Variants in RTN4RL2 observed in about 807,000 individuals in gnomAD.
RTN4RL2 encodes reticulon 4 receptor like 2, also known as reticulon-4 receptor-like 2.
A neutral mutation model predicts 27.8 loss-of-function variants in RTN4RL2; 9 were observed. That is an observed-to-expected ratio of 0.32 (90% confidence interval 0.20 to 0.57). The LOEUF is 0.57. Ranked by LOEUF, RTN4RL2 falls within the 20% of genes least tolerant of loss-of-function variation. The pLI is 0.90. For synonymous variants in RTN4RL2, 285 were observed against 297.9 expected (o/e 0.96, Z 0.45); for missense variants, 436 against 596.8 (o/e 0.73, Z 2.81).
At position 57,465,570 on chromosome 11, in the gene RTN4RL2, G is replaced by A. The variant is rs189533385; in HGVS notation, c.32-2039G>A. On this transcript the variant is annotated intron_variant, in intron 1 of 2. Transcript: ENST00000335099. The stretch of plus-strand genomic sequence containing the variant: ...GGAATGACTGCCTGGCTTTGGGGGT[G>A]CAGGCTCCCTTTTTCCCCAGGCAAA... Among the ~76,000 whole-genome samples the A allele has an allele frequency of 7.6e-3, 1,152 of 152,328 alleles. 8 individuals carry two copies. The highest frequency in any genetic ancestry group is 0.031 in the Middle Eastern group (9 of 294).
chr11:57,460,778 CG>C lies in RTN4RL2; in HGVS notation c.-84del. 1.5e-6 allele frequency: 1 copy of C among 675,216 alleles called. No individual in the cohort carries two copies. The highest frequency in any genetic ancestry group is 2.3e-6 in the Non-Finnish European group (1 of 438,442). The allele number at this position is 675,216 out of a possible 1,614,324, so 41.8% of individuals were successfully genotyped here. A position where few individuals can be genotyped will look rare whatever the true frequency, so the allele number is the denominator to read the frequency against. On this transcript the variant is annotated 5_prime_UTR_variant, in exon 1 of 3. Transcript: ENST00000335099. ...ACTCCCGGGCCCTCCCGGAGCCCCG[CG>C]GGGTCCCCGCCGTGCATCCGGCGGG...
At chr11:57,468,438 CTCT>C (rs1389301269) in intron 2 of RTN4RL2, 1 of 863,798 alleles carries the variant, frequency 1.2e-6, no homozygotes, top group Non-Finnish European at 1.8e-6. Context: ...TGTCTTCTGC[CTCT>C]TCTGTCTGTC....
intron 2 of RTN4RL2, among the ~76,000 whole-genome samples, chr11:57,474,316 G>A (rs958751728): frequency 1.3e-5 from 2 of 152,190 alleles, no homozygotes; most frequent in African/African-American, 4.8e-5. Context: ...TAGCGAAGAG[G>A]GCGGAAGCCA....
intron 1 of RTN4RL2, among the ~76,000 whole-genome samples, chr11:57,463,752 G>T (rs1044007420): frequency 7.2e-5 from 11 of 152,162 alleles, no homozygotes; most frequent in Admixed American, 3.3e-4. Context: ...AGAACAGGGG[G>T]TGGGGAAGGG....
chr11:57,467,331 C>G lies in RTN4RL2; in HGVS notation c.32-278C>G, dbSNP rs939047917. Among the ~76,000 whole-genome samples the G allele has an allele frequency of 1.3e-5, 2 of 152,100 alleles. No homozygotes were observed. The highest frequency in any genetic ancestry group is 2.9e-5 in the Non-Finnish European group (2 of 68,038). ...GTTCAAGCGATCCTCCTGCCTCAGC[C>G]TCCCAAGTAGTTGGGACTACAGGCA... On this transcript the variant is annotated intron_variant, in intron 1 of 2. Transcript: ENST00000335099. The surrounding 1 kb of genome is among the most constrained non-coding windows in gnomAD (Gnocchi z 5.5).
chr11:57,475,170 A>G (rs1232397425), intron 2 of RTN4RL2, among the ~76,000 whole-genome samples: 1 of 152,216 alleles, frequency 6.6e-6, no homozygotes, highest in African/African-American at 2.4e-5. Flanking sequence ...AGCATTTATC[A>G]TCCAACCCTC....
chr11:57,460,869 C>T lies in RTN4RL2; in HGVS notation c.4C>T (p.Leu2=), dbSNP rs1226482703. ...CTCCCCCGAGCATCGAGACAAGATG[C>T]TGCCCGGGCTCAGGCGCCTGCTGCA... is the stretch of plus-strand genomic sequence containing the variant. The part of the protein sequence containing the change: M[L]PGLRRLLQAP... Residue 2 remains leucine, a synonymous_variant, in exon 1 of 3, where the codon CTG becomes TTG. Coordinates refer to ENST00000335099, the MANE Select transcript of RTN4RL2 (RefSeq NM_178570.3). The T allele has an allele frequency of 7.1e-7, 1 of 1,407,714 alleles. No homozygotes were observed. The highest frequency in any genetic ancestry group is 3.1e-5 in the East Asian group (1 of 32,618). 87.2% of individuals were successfully genotyped at this position (1,407,714 alleles called of 1,614,324 possible).
Position 57,460,792 on chromosome 11 carries a change from TG to T in RTN4RL2, c.-73del, listed in dbSNP as rs1166663224. ...CCGGAGCCCCGCGGGGTCCCCGCCGTGCATCCGGCGGGCTCAGGGAGCGAGT... is the reference window on the plus strand; with the variant it reads ...CCGGAGCCCCGCGGGGTCCCCGCCGTCATCCGGCGGGCTCAGGGAGCGAGT... On this transcript the variant is annotated 5_prime_UTR_variant, in exon 1 of 3. Transcript: ENST00000335099. 1 of 845,390 alleles carries T rather than the reference TG, an allele frequency of 1.2e-6. No homozygotes were observed. Among genetic ancestry groups the T allele is most frequent in the Admixed American group, 3.7e-5 (1 of 27,000 alleles). 52.4% of individuals were successfully genotyped at this position (845,390 alleles called of 1,614,324 possible).
At position 57,476,461 on chromosome 11, in the gene RTN4RL2, G is replaced by T; in HGVS notation, c.813G>T (p.Pro271=). ...GGGCGTGCGACTGCCGCGCGCGGCC[G>T]CTCTGGGCCTGGTTCCAGCGCGCGC... ...NPWACDCRAR[P]LWAWFQRARV... is the part of the protein sequence containing the mutation. The change falls in exon 3 of 3, where the codon CCG becomes CCT. Residue 271 remains proline (P), a synonymous_variant. Coordinates refer to ENST00000335099, the MANE Select transcript of RTN4RL2 (RefSeq NM_178570.3). This position sits in a 1 kb window ranked among gnomAD's most constrained non-coding sequence, Gnocchi z 8.2. 1 of 1,557,290 alleles carries T rather than the reference G, an allele frequency of 6.4e-7. No individual in the cohort carries two copies. Among genetic ancestry groups the T allele is most frequent in the Non-Finnish European group, 8.6e-7 (1 of 1,162,330 alleles).
chr11:57,472,066 C>A (rs767147282), intron 2 of RTN4RL2, among the ~76,000 whole-genome samples: 8 of 152,084 alleles, frequency 5.3e-5, no homozygotes, highest in Non-Finnish European at 1.2e-4. Context: ...ACCATGTCGG[C>A]CAGGCTGGTC....
At chr11:57,465,691 G>A (rs544572390) in intron 1 of RTN4RL2, among the ~76,000 whole-genome samples, 29 of 152,234 alleles carry the variant, frequency 1.9e-4, no homozygotes, top group African/African-American at 5.1e-4. Flanking sequence ...CTATAGTGAC[G>A]GCAAAGGCCA....
At chr11:57,463,994 G>A (rs1236559781) in intron 1 of RTN4RL2, among the ~76,000 whole-genome samples, 4 of 152,202 alleles carry the variant, frequency 2.6e-5, no homozygotes. Flanking sequence ...GAGCTCCTTG[G>A]GTTACAGCTG....
rs547172113 is a variant in RTN4RL2 at position 57,472,877 on chromosome 11, G to A, written c.514-3285G>A. On this transcript the variant is annotated intron_variant, in intron 2 of 2. Transcript: ENST00000335099. Reference sequence around the variant, plus strand: ...TGGCCCAGGTCTGTCTGACTCCAGAGTGCAGTTGTTCAGAGGTCTCTGGAG... The same window carrying A: ...TGGCCCAGGTCTGTCTGACTCCAGAATGCAGTTGTTCAGAGGTCTCTGGAG... Among the ~76,000 whole-genome samples the A allele has an allele frequency of 2.6e-5, 4 of 152,342 alleles. No homozygotes were observed. The South Asian group carries it at 8.3e-4, about 32-fold the overall frequency.
At position 57,469,450 on chromosome 11, in the gene RTN4RL2, A is replaced by AT. The variant is rs370434265; in HGVS notation, c.513+1372dup. ...ACTCTGCCATTTACAAGCGTGTGACATTTTTTTTTTTTACCTCCTCAGACC... is the reference window on the plus strand; with the variant it reads ...ACTCTGCCATTTACAAGCGTGTGACATTTTTTTTTTTTTACCTCCTCAGACC... On this transcript the variant is annotated intron_variant, in intron 2 of 2. Coordinates refer to ENST00000335099, the MANE Select transcript of RTN4RL2 (RefSeq NM_178570.3). 2.9e-3 allele frequency among the ~76,000 whole-genome samples: 417 copies of AT among 145,576 alleles called. 1 individual carries two copies. The highest frequency in any genetic ancestry group is 9.7e-3 in the Admixed American group (141 of 14,576).
At chr11:57,469,054 T>G (rs1943545672) in intron 2 of RTN4RL2, among the ~76,000 whole-genome samples, 1 of 152,218 alleles carries the variant, frequency 6.6e-6, no homozygotes, top group Non-Finnish European at 1.5e-5. Flanking sequence ...TACTTGAACC[T>G]GGAACGTGCT....
chr11:57,468,315 T>G (rs1194516460), intron 2 of RTN4RL2, among the ~76,000 whole-genome samples: 1 of 149,590 alleles, frequency 6.7e-6, no homozygotes, highest in Non-Finnish European at 1.5e-5. Flanking sequence ...TTGCTGTTCC[T>G]CTCTCTCTCT....
intron 2 of RTN4RL2, among the ~76,000 whole-genome samples, chr11:57,470,375 G>A (rs1369199564): frequency 2.0e-5 from 3 of 152,058 alleles, no homozygotes; most frequent in East Asian, 3.9e-4. Context: ...AGCCTCCTGA[G>A]TAACTAAGAT....
rs1369311598 is a variant in RTN4RL2 at position 57,467,404 on chromosome 11, G to A, written c.32-205G>A. On this transcript the variant is annotated intron_variant, in intron 1 of 2. Transcript: ENST00000335099. The surrounding 1 kb of genome is among the most constrained non-coding windows in gnomAD (Gnocchi z 5.5). The stretch of plus-strand genomic sequence containing the variant: ...TTTTTTTTTTTTCTTGTAAAGACAG[G>A]GATCTCCCTATGTTGCCCAGGATAG... Among the ~76,000 whole-genome samples the A allele has an allele frequency of 6.6e-6, 1 of 151,732 alleles. No individual in the cohort carries two copies. The highest frequency in any genetic ancestry group is 1.9e-4 in the East Asian group (1 of 5,152).
At chr11:57,473,498 G>C (rs1943576254) in intron 2 of RTN4RL2, among the ~76,000 whole-genome samples, 1 of 151,424 alleles carries the variant, frequency 6.6e-6, no homozygotes, top group Non-Finnish European at 1.5e-5. Context: ...CCGGCCAGTG[G>C]GGAGGCAAGG....
Sources: gnomAD v4.1 joint callset for allele counts (sites outside exome capture counted in the v4.1 genomes callset) on GRCh38, gnomAD v4.1.1 for gene constraint, Gnocchi (gnomAD v3.1) non-coding constraint, MANE v1.5 for transcripts, NCBI Gene and HGNC (gene_info 2026-07-23, HGNC 2026-07-21) for gene names.